The following RRM2 variants were observed in gnomAD, a reference collection of about 807,000 sequenced individuals.
RRM2 encodes ribonucleotide reductase regulatory subunit M2.
Under a neutral mutation model 45.9 loss-of-function variants are expected in RRM2, and 6 were observed. The ratio of observed to expected loss-of-function variants is 0.13; its 90% confidence interval spans 0.07 to 0.26. RRM2 has a LOEUF of 0.26. Ranked by LOEUF, RRM2 falls within the 10% of genes least tolerant of loss-of-function variation. The pLI, the probability that RRM2 is intolerant of heterozygous loss-of-function variation, is 1.00. For missense variants in RRM2, 343 were observed against 489.5 expected (o/e 0.70, Z 2.82); for synonymous variants, 177 against 173.0 (o/e 1.02, Z -0.18).
At chr2:10,159,092 C>T (rs1221982114) in intron 3 of RRM2, among the ~76,000 whole-genome samples, 1 of 148,594 alleles carries the variant, frequency 6.7e-6, no homozygotes, top group Non-Finnish European at 1.5e-5. Context: ...CAAATTGGCC[C>T]TAATTTTTGT....
upstream of RRM2, among the ~76,000 whole-genome samples, chr2:10,137,321 C>T (rs1433385891): frequency 6.6e-6 from 1 of 152,238 alleles, no homozygotes; most frequent in East Asian, 1.9e-4. Flanking sequence ...CCTGCCAGCC[C>T]CATGCTGGTC....
rs148034034 is a variant in RRM2 at position 10,188,531 on chromosome 2, C to T, written n.483-21780C>T. Among the ~76,000 whole-genome samples the T allele has an allele frequency of 1.8e-4, 28 of 152,298 alleles. No individual in the cohort carries two copies. The East Asian group carries it at 5.4e-3, about 29-fold the overall frequency. On this transcript the variant is annotated intron_variant and non_coding_transcript_variant, in intron 3 of 3. Coordinates refer to the RRM2 transcript ENST00000381786. ...CCTTAGGACCTCATTTCACATGAAT[C>T]ACCTCCTTAAAGACCTCATCTCCAA...
At chr2:10,200,051 T>C (rs1051508962) in intron 3 of RRM2, among the ~76,000 whole-genome samples, 3 of 152,108 alleles carry the variant, frequency 2.0e-5, no homozygotes, top group Non-Finnish European at 2.9e-5. Context: ...CAGGCTGATC[T>C]CCAACTCCTG....
At position 10,129,212 on chromosome 2, in the gene RRM2, A is replaced by G; in HGVS notation, c.1018-22A>G. ...TTTGAAGCTGGTGCTCTGTATTTAT[A>G]TCTTGATGTGAACCTTTTCAGGTTT... On this transcript the variant is annotated intron_variant, in intron 9 of 9. Transcript: ENST00000304567. This position sits in a 1 kb window ranked among gnomAD's most constrained non-coding sequence, Gnocchi z 4.8. The G allele has an allele frequency of 1.9e-6, 3 of 1,613,884 alleles. No individual in the cohort carries two copies. In the African/African-American group the frequency reaches 4.0e-5, roughly 22 times the overall value.
At chr2:10,197,614 T>C (rs1246091244) in intron 3 of RRM2, among the ~76,000 whole-genome samples, 3 of 150,546 alleles carry the variant, frequency 2.0e-5, no homozygotes, top group Admixed American at 2.0e-4. Flanking sequence ...GTAGGGGGGC[T>C]GGGCGGTGGG....
At chr2:10,192,284 C>T (rs1177840648) in intron 3 of RRM2, among the ~76,000 whole-genome samples, 1 of 152,214 alleles carries the variant, frequency 6.6e-6, no homozygotes, top group Non-Finnish European at 1.5e-5. Context: ...TGAGCAAAGC[C>T]TTCCCCAGGG....
intron 3 of RRM2, chr2:10,142,470 A>G (rs571737888): frequency 1.6e-6 from 2 of 1,251,670 alleles, no homozygotes; most frequent in South Asian, 1.2e-5. Context: ...AGCTCAGTGT[A>G]CAGGGCCCCC....
chr2:10,137,436 G>A (rs1454911948), upstream of RRM2, among the ~76,000 whole-genome samples: 1 of 152,234 alleles, frequency 6.6e-6, no homozygotes, highest in African/African-American at 2.4e-5. Context: ...TCATTACACT[G>A]TGGTAGTGGG....
At chr2:10,192,959 G>A (rs1212132100) in intron 3 of RRM2, among the ~76,000 whole-genome samples, 1 of 152,192 alleles carries the variant, frequency 6.6e-6, no homozygotes, top group Non-Finnish European at 1.5e-5. Flanking sequence ...AGTCTCCTGG[G>A]CTCAGGGTCC....
At chr2:10,203,582 C>G (rs575754268) in intron 3 of RRM2, among the ~76,000 whole-genome samples, 1 of 152,236 alleles carries the variant, frequency 6.6e-6, no homozygotes, top group Non-Finnish European at 1.5e-5. Context: ...AACCCCATCT[C>G]TCTACTAAAA....
intron 3 of RRM2, among the ~76,000 whole-genome samples, chr2:10,174,489 G>A (rs1273716792): frequency 2.0e-5 from 3 of 151,934 alleles, no homozygotes; most frequent in Non-Finnish European, 4.4e-5. Context: ...CCTATGGGGT[G>A]GAGTGAGAGT....
chr2:10,141,778 CTGGGGCTGGGG>C lies in RRM2; in HGVS notation n.261-75_261-65del, dbSNP rs1663084705. On this transcript the variant is annotated intron_variant and non_coding_transcript_variant, in intron 1 of 3. Coordinates refer to the RRM2 transcript ENST00000381786. The stretch of plus-strand genomic sequence containing the variant: ...CAGAGCCCCAGGAGGTGGCCATGGC[CTGGGGCTGGGG>C]CTGGGGCTGGGAGGCGGTTGCTCCA... The C allele has an allele frequency of 3.2e-6, 5 of 1,540,462 alleles. No individual in the cohort carries two copies. The African/African-American group carries it at 4.1e-5, about 13-fold the overall frequency.
chr2:10,199,800 A>AAAAAAAACAAAAAC (rs1553329435), intron 3 of RRM2, among the ~76,000 whole-genome samples: 1 of 97,884 alleles, frequency 1.0e-5, no homozygotes, highest in African/African-American at 4.0e-5. Flanking sequence ...AAAAAAAAAA[A>AAAAAAAACAAAAAC]AAAAAAAAAC....
intron 3 of RRM2, among the ~76,000 whole-genome samples, chr2:10,180,766 TTTA>T (rs1664028461): frequency 6.6e-6 from 1 of 152,158 alleles, no homozygotes; most frequent in Non-Finnish European, 1.5e-5. Context: ...TATTTATTTA[TTTA>T]TTTATTTTTT....
upstream of RRM2, among the ~76,000 whole-genome samples, chr2:10,138,762 AG>A (rs949117391): frequency 2.0e-5 from 3 of 152,324 alleles, no homozygotes; most frequent in African/African-American, 7.2e-5. Flanking sequence ...AGATGAGTGA[AG>A]TGCTTTCATA....
In RRM2 at chr2:10,123,007, G is replaced by A. The variant is rs764452044; in HGVS notation, c.124G>A (p.Val42Ile). 1 of 1,563,566 alleles carries A rather than the reference G, an allele frequency of 6.4e-7. No homozygotes were observed. The stretch of plus-strand genomic sequence containing the variant: ...GCCGCCGGCCCTGAGCGGGACCCGC[G>A]TCCTGGCCAGCAAGACCGCGAGGAG... Reference protein sequence around the residue: ...NTPPALSGTRVLASKTARRIF... With the variant: ...NTPPALSGTRILASKTARRIF... The change falls in exon 2 of 10, where the codon GTC (valine) becomes ATC (isoleucine). Residue 42 changes from valine to isoleucine, a missense_variant. Physicochemically the swap from Val to Ile is conservative, Grantham distance 29. Transcript: ENST00000304567.
rs1020072041 is a variant in RRM2, at chr2:10,179,754, T to C, written n.483-30557T>C. On this transcript the variant is annotated intron_variant and non_coding_transcript_variant, in intron 3 of 3. Transcript: ENST00000381786. ...AATGTGTATCACTTTCACACCATCA[T>C]AAAGTCAAAAAATCCTGAGTTGAAC... is the stretch of plus-strand genomic sequence containing the variant. Among the ~76,000 whole-genome samples, 30 of 152,176 alleles carry C rather than the reference T, an allele frequency of 2.0e-4. 1 individual carries two copies. The highest frequency in any genetic ancestry group is 8.8e-5 in the Non-Finnish European group (6 of 68,026).
Position 10,129,226 on chromosome 2 carries a change from C to G in RRM2, c.1018-8C>G. 1 of 1,613,566 alleles carries G rather than the reference C, an allele frequency of 6.2e-7. No homozygotes were observed. Among genetic ancestry groups the G allele is most frequent in the South Asian group, 1.1e-5 (1 of 90,958 alleles). On this transcript the variant is annotated splice_region_variant and splice_polypyrimidine_tract_variant and intron_variant, in intron 9 of 9. Coordinates refer to ENST00000304567, the MANE Select transcript of RRM2 (RefSeq NM_001034.4). The surrounding 1 kb of genome is among the most constrained non-coding windows in gnomAD (Gnocchi z 4.8). ...TCTGTATTTATATCTTGATGTGAAC[C>G]TTTTCAGGTTTTCAGAGTAGAGAAC...
chr2:10,141,522 G>A (rs546886581), exon 1 of RRM2: 2 of 334,464 alleles, frequency 6.0e-6, no homozygotes, highest in South Asian at 6.7e-5. Context: ...CAGAGGTCTG[G>A]GCACATGGTG....
Sources: allele counts gnomAD v4.1 joint callset (sites outside exome capture counted in the v4.1 genomes callset), GRCh38; gene constraint gnomAD v4.1.1; non-coding constraint Gnocchi (gnomAD v3.1); transcripts MANE v1.5; gene names NCBI Gene and HGNC (gene_info 2026-07-23, HGNC 2026-07-21).